The following UBL3 variants were observed in gnomAD, a reference collection of about 807,000 sequenced individuals.
The protein encoded by UBL3 is ubiquitin-like protein 3.
Under a neutral mutation model 18.4 loss-of-function variants are expected in UBL3, and 6 were observed. The ratio of observed to expected loss-of-function variants is 0.33; its 90% CI spans 0.18 to 0.64. UBL3 has a LOEUF of 0.64. Ranked by LOEUF, UBL3 falls within the 30% of genes least tolerant of loss-of-function variation. The pLI, the probability that UBL3 is intolerant of heterozygous loss-of-function variation, is 0.76. For synonymous variants in UBL3, 49 were observed against 46.6 expected, an observed-to-expected ratio of 1.05 and a Z score of -0.21; for missense variants, 109 against 142.9, an observed-to-expected ratio of 0.76 and a Z score of 1.21.
chr13:29,823,939 T>C (rs1878547986), intron 1 of UBL3, among the ~76,000 whole-genome samples: 1 of 146,808 alleles, frequency 6.8e-6, no homozygotes, highest in South Asian at 2.4e-4. Flanking sequence ...TTCCCACCTA[T>C]GAGTGAGAAC....
chr13:29,783,644 T>C (rs1195465905), intron 1 of UBL3, among the ~76,000 whole-genome samples: 2 of 152,240 alleles, frequency 1.3e-5, no homozygotes, highest in African/African-American at 2.4e-5. Context: ...AGTAAATGTA[T>C]GACAATTTCT....
At position 29,818,565 on chromosome 13, in the gene UBL3, G is replaced by A. The variant is rs1409140133; in HGVS notation, c.27+30947C>T. Among the ~76,000 whole-genome samples, 3 of 152,150 alleles carry A rather than the reference G, an allele frequency of 2.0e-5. No homozygotes were observed. The East Asian group carries it at 5.8e-4, about 29-fold the overall frequency. ...CTCTGTTTAAGAACTATTTTTAAATGTTAAGGAAGTTTTTCCAGCCTTTCA... is the reference window on the plus strand; with the variant it reads ...CTCTGTTTAAGAACTATTTTTAAATATTAAGGAAGTTTTTCCAGCCTTTCA... On this transcript the variant is annotated intron_variant, in intron 1 of 4. Transcript: ENST00000380680.
intron 1 of UBL3, among the ~76,000 whole-genome samples, chr13:29,818,797 A>C (rs1048411349): frequency 6.6e-6 from 1 of 152,156 alleles, no homozygotes; most frequent in African/African-American, 2.4e-5. Flanking sequence ...GACCTTTCCC[A>C]TGCGTTCTCC....
intron 1 of UBL3, among the ~76,000 whole-genome samples, chr13:29,814,672 T>G (rs893753124): frequency 6.6e-6 from 1 of 152,124 alleles, no homozygotes; most frequent in South Asian, 2.1e-4. Flanking sequence ...GCTAATGAGA[T>G]AGACCAGAGT....
chr13:29,821,738 A>C (rs976830704), intron 1 of UBL3, among the ~76,000 whole-genome samples: 4 of 152,200 alleles, frequency 2.6e-5, no homozygotes. Flanking sequence ...GACCATATGA[A>C]AATTTTTTAC....
At chr13:29,784,015 A>C (rs1373668971) in intron 1 of UBL3, among the ~76,000 whole-genome samples, 1 of 152,200 alleles carries the variant, frequency 6.6e-6, no homozygotes, top group Non-Finnish European at 1.5e-5. Flanking sequence ...AAATCAGACA[A>C]GACTATTAGT....
chr13:29,793,720 G>C (rs372167010), intron 1 of UBL3, among the ~76,000 whole-genome samples: 2 of 152,148 alleles, frequency 1.3e-5, no homozygotes, highest in Non-Finnish European at 2.9e-5. Flanking sequence ...TGATAACTCA[G>C]AGTAACTAAC....
At chr13:29,788,838 AGTGTGTGTGTGTGT>A (rs58898742) in intron 1 of UBL3, among the ~76,000 whole-genome samples, 9 of 138,146 alleles carry the variant, frequency 6.5e-5, no homozygotes, top group Middle Eastern at 3.3e-3. Flanking sequence ...TTAATGGGGA[AGTGTGTGTGTGTGT>A]GTGTGTGTGT....
intron 1 of UBL3, among the ~76,000 whole-genome samples, chr13:29,800,922 G>A (rs558050688): frequency 4.5e-4 from 69 of 152,288 alleles, no homozygotes; most frequent in African/African-American, 1.6e-3. Flanking sequence ...CCCCCACGGT[G>A]CAGCAGCCTT....
At chr13:29,839,070 C>A (rs1195477740) in intron 1 of UBL3, among the ~76,000 whole-genome samples, 2 of 152,072 alleles carry the variant, frequency 1.3e-5, no homozygotes, top group African/African-American at 4.8e-5. Context: ...TTTGAGAGAA[C>A]TAAAAACATA....
chr13:29,835,124 A>AT (rs1878906255), intron 1 of UBL3, among the ~76,000 whole-genome samples: 2 of 36,764 alleles, frequency 5.4e-5, no homozygotes, highest in African/African-American at 3.0e-4. Flanking sequence ...ATATATATAT[A>AT]AATATATATA....
intron 1 of UBL3, among the ~76,000 whole-genome samples, chr13:29,835,293 G>C (rs1235222339): frequency 2.0e-5 from 3 of 148,366 alleles, no homozygotes; most frequent in African/African-American, 7.5e-5. Flanking sequence ...CAGAAACCAA[G>C]GGAGTAAAGG....
At chr13:29,787,308 C>T (rs1214029274) in intron 1 of UBL3, among the ~76,000 whole-genome samples, 1 of 152,088 alleles carries the variant, frequency 6.6e-6, no homozygotes, top group Non-Finnish European at 1.5e-5. Context: ...TAGATATTAT[C>T]ACAAATTATC....
intron 1 of UBL3, among the ~76,000 whole-genome samples, chr13:29,835,682 G>A (rs1023402378): frequency 4.0e-5 from 6 of 150,022 alleles, no homozygotes; most frequent in Middle Eastern, 3.5e-3. Context: ...TCGAACCTGG[G>A]AGGCGGAGGT....
intron 1 of UBL3, among the ~76,000 whole-genome samples, chr13:29,844,460 T>C (rs775157771): frequency 2.0e-5 from 3 of 152,160 alleles, no homozygotes; most frequent in Non-Finnish European, 2.9e-5. Flanking sequence ...AGGTACCCAA[T>C]AAACACTGAT....
At chr13:29,795,127 A>T (rs1224996197) in intron 1 of UBL3, among the ~76,000 whole-genome samples, 2 of 152,206 alleles carry the variant, frequency 1.3e-5, no homozygotes, top group African/African-American at 4.8e-5. Context: ...ATTCATACAT[A>T]AACTTTTATG....
intron 1 of UBL3, among the ~76,000 whole-genome samples, chr13:29,811,082 C>T (rs948084351): frequency 3.9e-5 from 6 of 151,990 alleles, no homozygotes; most frequent in Non-Finnish European, 7.4e-5. Flanking sequence ...TTTTTCACCA[C>T]CCAGAACACA....
intron 1 of UBL3, among the ~76,000 whole-genome samples, chr13:29,799,101 T>G (rs1305391276): frequency 2.0e-5 from 3 of 152,200 alleles, no homozygotes; most frequent in Non-Finnish European, 4.4e-5. Flanking sequence ...AGATAAATTC[T>G]TCATTTGGGT....
chr13:29,790,297 T>G (rs116412192), intron 1 of UBL3, among the ~76,000 whole-genome samples: 1,797 of 152,302 alleles, frequency 0.012, 38 homozygotes, highest in African/African-American at 0.041. Context: ...GAGGTAAAAT[T>G]ACATAAATCC....
Sources: gnomAD v4.1 joint callset for allele counts (sites outside exome capture counted in the v4.1 genomes callset) on GRCh38, gnomAD v4.1.1 for gene constraint, MANE v1.5 for transcripts, NCBI Gene and HGNC (gene_info 2026-07-23, HGNC 2026-07-21) for gene names.